Variants in PRKN observed in about 807,000 individuals in gnomAD.
PRKN encodes parkin RBR E3 ubiquitin protein ligase.
Under a neutral mutation model 59.5 loss-of-function variants are expected in PRKN, and 56 were observed. The observed-to-expected ratio is 0.94, with a 90% CI of 0.76 to 1.18. The LOEUF is 1.18. Ranked by LOEUF, PRKN falls within the 50% of genes most tolerant of loss-of-function variation. PRKN has a pLI of 0.00. For missense variants in PRKN, 657 were observed against 596.4 expected (o/e 1.10, Z -1.06); for synonymous variants, 250 against 222.1 (o/e 1.13, Z -1.12).
intron 9 of PRKN, among the ~76,000 whole-genome samples, chr6:161,528,721 T>G (rs1779098926): frequency 6.6e-6 from 1 of 152,188 alleles, no homozygotes; most frequent in Admixed American, 6.5e-5. Flanking sequence ...GGTTAGACAC[T>G]GAGTAACTTC....
chr6:162,121,671 T>TC lies in PRKN; in HGVS notation c.535-67498dup, dbSNP rs536485402. On this transcript the variant is annotated intron_variant, in intron 4 of 11. Coordinates refer to ENST00000366898, the MANE Select transcript of PRKN (RefSeq NM_004562.3). ...GGTTCTGTTGTGGTTAGCTGCTGGG[T>TC]CCTGATACAGACTAAACACCTCATT... is the stretch of plus-strand genomic sequence containing the variant. Among the ~76,000 whole-genome samples the TC allele has an allele frequency of 4.7e-3, 722 of 152,278 alleles. 11 individuals are homozygous for TC. The highest frequency in any genetic ancestry group is 0.017 in the African/African-American group (686 of 41,560).
chr6:162,323,852 A>G (rs1783147432), intron 2 of PRKN, among the ~76,000 whole-genome samples: 1 of 152,194 alleles, frequency 6.6e-6, no homozygotes, highest in East Asian at 1.9e-4. Flanking sequence ...GATTTTTACA[A>G]TTGAGACATA....
chr6:161,934,825 C>A (rs1779293610), intron 6 of PRKN, among the ~76,000 whole-genome samples: 1 of 152,016 alleles, frequency 6.6e-6, no homozygotes, highest in South Asian at 2.1e-4. Context: ...CAACATTGAA[C>A]CCCAAATTTA....
intron 4 of PRKN, among the ~76,000 whole-genome samples, chr6:162,089,481 A>T (rs1206067708): frequency 3.3e-5 from 5 of 152,212 alleles, no homozygotes; most frequent in Admixed American, 1.3e-4. Flanking sequence ...AGCCACTTTT[A>T]AAGAGTGGCA....
intron 1 of PRKN, among the ~76,000 whole-genome samples, chr6:162,491,787 T>G (rs200849169): frequency 1.3e-5 from 2 of 152,136 alleles, no homozygotes; most frequent in East Asian, 3.9e-4. Flanking sequence ...AGCCGCACAA[T>G]CAGGGACTTC....
At chr6:162,443,176 G>A (rs950334751) in intron 2 of PRKN, 134 bp downstream of exon 2, 3 of 836,944 alleles carry the variant, frequency 3.6e-6, no homozygotes, top group Admixed American at 4.5e-5. Context: ...GAAGCAGTGT[G>A]GAGTAAAGTT....
In PRKN at chr6:161,549,005, T is replaced by C; in HGVS notation, c.934-2A>G. On this transcript the variant is annotated splice_acceptor_variant, in intron 8 of 11. Transcript: ENST00000366898. LOFTEE classifies it high-confidence loss of function. The surrounding 1 kb of genome is among the most constrained non-coding windows in gnomAD (Gnocchi z 6.0). ...ACCATACTGCTGGTACCGGTTGTAC[T>C]GCAAAACCCAAAAAGCAGATTGAGC... is the stretch of plus-strand genomic sequence containing the variant. 4.3e-6 allele frequency: 7 copies of C among 1,614,154 alleles called. No homozygotes were observed. The highest frequency in any genetic ancestry group is 1.1e-5 in the South Asian group (1 of 91,076).
intron 4 of PRKN, among the ~76,000 whole-genome samples, chr6:162,114,859 G>A (rs1780597975): frequency 6.6e-6 from 1 of 152,058 alleles, no homozygotes; most frequent in Non-Finnish European, 1.5e-5. Context: ...GTGCTGGAGA[G>A]GATGTGGAGA....
Position 162,512,626 on chromosome 6 carries a change from C to T in PRKN, c.8-69153G>A, listed in dbSNP as rs7759761. Reference sequence around the variant, plus strand: ...TGCATAAGTGGCAACAATGTTATTACAAAAATCAAAATTATGAGCATGCAC... The same window carrying T: ...TGCATAAGTGGCAACAATGTTATTATAAAAATCAAAATTATGAGCATGCAC... On this transcript the variant is annotated intron_variant, in intron 1 of 11. Transcript: ENST00000366898. Among the ~76,000 whole-genome samples the T allele has an allele frequency of 7.3e-3, 1,117 of 152,184 alleles. 12 individuals are homozygous for T. The highest frequency in any genetic ancestry group is 0.026 in the African/African-American group (1,061 of 41,500).
chr6:161,511,368 T>TA (rs1346668913), intron 9 of PRKN, among the ~76,000 whole-genome samples: 1 of 152,216 alleles, frequency 6.6e-6, no homozygotes, highest in African/African-American at 2.4e-5. Context: ...GCTTGGTATT[T>TA]ATCAGTTTTC....
chr6:161,847,587 C>G (rs1793252387), intron 6 of PRKN, among the ~76,000 whole-genome samples: 1 of 127,984 alleles, frequency 7.8e-6, no homozygotes, highest in African/African-American at 3.1e-5. Flanking sequence ...AGATTTTAGT[C>G]TTTGCCTTTT....
At chr6:162,241,886 G>GA (rs2128091893) in intron 3 of PRKN, among the ~76,000 whole-genome samples, 1 of 152,100 alleles carries the variant, frequency 6.6e-6, no homozygotes, top group African/African-American at 2.4e-5. Flanking sequence ...TAGTAAAGTA[G>GA]AATTCCTTCT....
At chr6:162,508,355 T>C (rs961406263) in intron 1 of PRKN, among the ~76,000 whole-genome samples, 10 of 152,222 alleles carry the variant, frequency 6.6e-5, no homozygotes, top group African/African-American at 2.4e-4. Flanking sequence ...ACAATATCAC[T>C]TGCTTATGTC....
intron 6 of PRKN, among the ~76,000 whole-genome samples, chr6:161,965,930 A>G (rs985094965): frequency 1.3e-5 from 2 of 152,034 alleles, no homozygotes; most frequent in Admixed American, 1.3e-4. Context: ...TCAGATCTTT[A>G]AAAAGTGCTA....
intron 7 of PRKN, among the ~76,000 whole-genome samples, chr6:161,771,362 AAAAAAAAAAT>A (rs1268168927): frequency 2.3e-5 from 2 of 88,154 alleles, no homozygotes; most frequent in Admixed American, 1.0e-4. Flanking sequence ...CCTCAAAAAA[AAAAAAAAAAT>A]AAAATAAAAT....
chr6:161,499,346 T>C lies in PRKN; in HGVS notation c.1083+49508A>G, dbSNP rs1777872540. ...GGGAAATATTTCTGTCCCATGTCTC[T>C]ATCAAAAGTGGGAAAGGGCTGTGTT... is the stretch of plus-strand genomic sequence containing the variant. On this transcript the variant is annotated intron_variant, in intron 9 of 11. Transcript: ENST00000366898. This position sits in a 1 kb window ranked among gnomAD's most constrained non-coding sequence, Gnocchi z 4.2. Among the ~76,000 whole-genome samples, 1 of 152,212 alleles carries C rather than the reference T, an allele frequency of 6.6e-6. No individual in the cohort carries two copies. Among genetic ancestry groups the C allele is most frequent in the Non-Finnish European group, 1.5e-5 (1 of 68,032 alleles).
intron 1 of PRKN, among the ~76,000 whole-genome samples, chr6:162,714,714 A>G (rs755160498): frequency 9.9e-5 from 15 of 152,240 alleles, no homozygotes; most frequent in Non-Finnish European, 1.9e-4. Flanking sequence ...CATTTCATGG[A>G]GAAAAGCTGC....
intron 2 of PRKN, chr6:162,271,428 G>C (rs946464983): frequency 2.6e-5 from 4 of 151,858 alleles, no homozygotes; most frequent in Non-Finnish European, 5.9e-5. Context: ...CTGTAATCCT[G>C]GCTACTTGAG....
At chr6:161,705,334 C>A (rs1048373418) in intron 7 of PRKN, among the ~76,000 whole-genome samples, 2 of 152,190 alleles carry the variant, frequency 1.3e-5, no homozygotes, top group African/African-American at 4.8e-5. Flanking sequence ...AACAATCTGA[C>A]ATGAAACAAG....
Sources: gnomAD v4.1 joint callset for allele counts (sites outside exome capture counted in the v4.1 genomes callset) on GRCh38, gnomAD v4.1.1 for gene constraint, Gnocchi (gnomAD v3.1) non-coding constraint, MANE v1.5 for transcripts, NCBI Gene and HGNC (gene_info 2026-07-23, HGNC 2026-07-21) for gene names.